TMEM117: variants seen among roughly 807,000 people sequenced by gnomAD.
The protein encoded by TMEM117 is transmembrane protein 117.
TMEM117 carries 27 observed loss-of-function variants against 52.4 expected under a neutral mutation model. The observed-to-expected ratio is 0.51, with a 90% confidence interval of 0.38 to 0.71. TMEM117 has a LOEUF of 0.71. Ranked by LOEUF, TMEM117 falls within the 30% of genes least tolerant of loss-of-function variation. The pLI, the probability that TMEM117 is intolerant of heterozygous loss-of-function variation, is 0.00. For missense variants in TMEM117, 556 were observed against 630.5 expected, an observed-to-expected ratio of 0.88 and a Z score of 1.26; for synonymous variants, 215 against 206.3, an observed-to-expected ratio of 1.04 and a Z score of -0.36.
At chr12:44,320,575 A>G (rs1373799389) in intron 6 of TMEM117, among the ~76,000 whole-genome samples, 1 of 152,110 alleles carries the variant, frequency 6.6e-6, no homozygotes, top group African/African-American at 2.4e-5. Context: ...AAATTTTGAA[A>G]TACTTGTTGA....
intron 6 of TMEM117, among the ~76,000 whole-genome samples, chr12:44,338,207 A>C (rs1951367958): frequency 6.6e-6 from 1 of 152,146 alleles, no homozygotes; most frequent in Non-Finnish European, 1.5e-5. Context: ...GTAAAGATGA[A>C]GAAAAAGTAA....
At chr12:43,909,643 A>G (rs1944459000) in intron 2 of TMEM117, among the ~76,000 whole-genome samples, 1 of 152,118 alleles carries the variant, frequency 6.6e-6, no homozygotes, top group Admixed American at 6.5e-5. Flanking sequence ...TAGATGCAAT[A>G]AAAAATGATA....
the TMEM117 span, among the ~76,000 whole-genome samples, chr12:43,822,641 T>G: frequency 6.6e-6 from 1 of 152,322 alleles, no homozygotes; most frequent in African/African-American, 2.4e-5. Context: ...CTGTCTCTAT[T>G]ATTTTTCTAT....
intron 1 of TMEM117, among the ~76,000 whole-genome samples, chr12:43,842,305 G>C (rs1476745457): frequency 6.6e-6 from 1 of 152,164 alleles, no homozygotes; most frequent in Non-Finnish European, 1.5e-5. Context: ...CAAGACTCTT[G>C]AGGTAGTCAC....
chr12:44,147,130 G>T (rs73290217), intron 4 of TMEM117, among the ~76,000 whole-genome samples: 4,646 of 152,208 alleles, frequency 0.031, 158 homozygotes, highest in African/African-American at 0.083. Flanking sequence ...TTTAAAATAG[G>T]TTAATATGTA....
intron 3 of TMEM117, among the ~76,000 whole-genome samples, chr12:44,039,196 ACCT>A (rs1946759179): frequency 1.3e-5 from 2 of 152,152 alleles, no homozygotes; most frequent in Non-Finnish European, 1.5e-5. Context: ...TTAAAGCTTT[ACCT>A]AGACACTAGT....
chr12:44,306,427 C>A (rs1335382918), intron 6 of TMEM117, among the ~76,000 whole-genome samples: 1 of 151,994 alleles, frequency 6.6e-6, no homozygotes, highest in Non-Finnish European at 1.5e-5. Context: ...TGTGTAATAT[C>A]TTAGATTTAT....
intron 4 of TMEM117, among the ~76,000 whole-genome samples, chr12:44,153,382 G>A (rs2138233294): frequency 6.6e-6 from 1 of 152,068 alleles, no homozygotes; most frequent in South Asian, 2.1e-4. Flanking sequence ...ATCCAATGTG[G>A]CATATAGACA....
chr12:43,851,565 CA>C (rs1486526386), intron 2 of TMEM117, among the ~76,000 whole-genome samples: 1 of 151,996 alleles, frequency 6.6e-6, no homozygotes, highest in Non-Finnish European at 1.5e-5. Flanking sequence ...CTTATGCCTA[CA>C]ATTAGGACTT....
chr12:44,077,834 T>C (rs1352442811), intron 3 of TMEM117, among the ~76,000 whole-genome samples: 1 of 152,214 alleles, frequency 6.6e-6, no homozygotes, highest in African/African-American at 2.4e-5. Flanking sequence ...TTCCTTTTGC[T>C]GACAGTTCAG....
chr12:44,032,443 A>G (rs116391034), intron 3 of TMEM117, among the ~76,000 whole-genome samples: 5 of 152,230 alleles, frequency 3.3e-5, no homozygotes, highest in Admixed American at 1.3e-4. Context: ...CTCAAAAGAA[A>G]CAAGAGAGAT....
chr12:44,182,750 G>T (rs1354972257), intron 4 of TMEM117, among the ~76,000 whole-genome samples: 1 of 152,020 alleles, frequency 6.6e-6, no homozygotes, highest in Non-Finnish European at 1.5e-5. Context: ...CTGAATTTCA[G>T]CAAGTGGATG....
intron 4 of TMEM117, among the ~76,000 whole-genome samples, chr12:44,201,874 C>T (rs1949499893): frequency 6.6e-6 from 1 of 151,948 alleles, no homozygotes; most frequent in Non-Finnish European, 1.5e-5. Context: ...ACCCTAAGAA[C>T]ATAAAAATTA....
chr12:44,068,090 C>T (rs914006594), intron 3 of TMEM117, among the ~76,000 whole-genome samples: 2 of 152,296 alleles, frequency 1.3e-5, no homozygotes, highest in Admixed American at 1.3e-4. Context: ...TCAGACATTT[C>T]TTCTGCAGCT....
chr12:43,969,048 G>A (rs1592401994), intron 3 of TMEM117, among the ~76,000 whole-genome samples: 1 of 148,806 alleles, frequency 6.7e-6, no homozygotes, highest in South Asian at 2.1e-4. Context: ...GTTTTGGCTG[G>A]TAATGTCACA....
At chr12:44,369,824 A>G (rs1350506867) in intron 6 of TMEM117, among the ~76,000 whole-genome samples, 1 of 152,200 alleles carries the variant, frequency 6.6e-6, no homozygotes, top group Non-Finnish European at 1.5e-5. Context: ...TAAATAGCAT[A>G]AGTTCCTCCT....
intron 6 of TMEM117, among the ~76,000 whole-genome samples, chr12:44,362,316 CT>C (rs1242011783): frequency 6.6e-6 from 1 of 152,106 alleles, no homozygotes; most frequent in Non-Finnish European, 1.5e-5. Flanking sequence ...TCATAGAGGT[CT>C]TTTCTTACCC....
At chr12:43,829,659 C>T in the TMEM117 span, among the ~76,000 whole-genome samples, 1 of 152,164 alleles carries the variant, frequency 6.6e-6, no homozygotes, top group African/African-American at 2.4e-5. Flanking sequence ...CTCAAAACTC[C>T]CCAAAGGCAA....
intron 5 of TMEM117, among the ~76,000 whole-genome samples, chr12:44,239,037 G>A (rs1462502001): frequency 1.3e-5 from 2 of 152,000 alleles, no homozygotes; most frequent in East Asian, 1.9e-4. Flanking sequence ...CATTAATATA[G>A]GTTTCTCCAT....
Sources: allele counts gnomAD v4.1 joint callset (sites outside exome capture counted in the v4.1 genomes callset), GRCh38; gene constraint gnomAD v4.1.1; transcripts MANE v1.5; gene names NCBI Gene and HGNC (gene_info 2026-07-23, HGNC 2026-07-21).